The following ATP10B variants were observed in gnomAD, a reference collection of about 807,000 sequenced individuals.
ATP10B encodes ATPase phospholipid transporting 10B (putative), also known as phospholipid-transporting ATPase VB.
ATP10B carries 122 observed loss-of-function variants against 141.2 expected under a neutral mutation model. The observed-to-expected ratio is 0.86, with a 90% CI of 0.75 to 1.00. ATP10B has a LOEUF of 1.00. Ranked by LOEUF, ATP10B falls within the 50% of genes least tolerant of loss-of-function variation. The pLI is 0.00. For synonymous variants in ATP10B, 685 were observed against 692.0 expected, an observed-to-expected ratio of 0.99 and a Z score of 0.16; for missense variants, 1,876 against 1,825.3, an observed-to-expected ratio of 1.03 and a Z score of -0.51.
chr5:160,675,258 T>C (rs940376969), intron 6 of ATP10B, among the ~76,000 whole-genome samples: 3 of 151,600 alleles, frequency 2.0e-5, no homozygotes, highest in African/African-American at 7.3e-5. Context: ...CTGACTGCTA[T>C]TTTAGTTTTA....
chr5:160,795,221 A>T (rs951762471), intron 1 of ATP10B, among the ~76,000 whole-genome samples: 4 of 152,246 alleles, frequency 2.6e-5, no homozygotes, highest in Non-Finnish European at 5.9e-5. Context: ...GCTGAGTCTC[A>T]AACAGGATAT....
intron 24 of ATP10B, among the ~76,000 whole-genome samples, chr5:160,576,492 G>C (rs990802929): frequency 6.6e-6 from 1 of 152,176 alleles, no homozygotes; most frequent in African/African-American, 2.4e-5. Flanking sequence ...CAGAAGTTAG[G>C]AAAGGGAGCT....
At chr5:160,809,251 C>A (rs1772982021) in intron 1 of ATP10B, among the ~76,000 whole-genome samples, 1 of 152,114 alleles carries the variant, frequency 6.6e-6, no homozygotes, top group Non-Finnish European at 1.5e-5. Context: ...AGCCTGTAGG[C>A]CATTTAAAAA....
rs1369735584 is a variant in ATP10B at position 160,598,790 on chromosome 5, T to A, written c.3544A>T (p.Lys1182Ter). 2 of 1,613,972 alleles carry A rather than the reference T, an allele frequency of 1.2e-6. No homozygotes were observed. The highest frequency in any genetic ancestry group is 2.7e-5 in the African/African-American group (2 of 74,924). ...ETLLALPELYKSGQNSECYNL... is the reference protein window; with the variant it reads ...ETLLALPELY ...CTTACCTCAGAGTTCTGGCCACTCT[T>A]GTATAGCTCAGGCAATGCCAGGAGT... Residue 1182 changes from lysine (K) to a stop codon, truncating the protein, a stop_gained, in exon 22 of 26, where the codon AAG becomes TAG. Transcript: ENST00000327245. LOFTEE classifies it high-confidence loss of function.
At position 160,634,365 on chromosome 5, in the gene ATP10B, T is replaced by C. The variant is rs1759186658; in HGVS notation, c.1370A>G (p.His457Arg). 6.2e-7 allele frequency: 1 copy of C among 1,614,052 alleles called. No individual in the cohort carries two copies. Among genetic ancestry groups the C allele is most frequent in the Non-Finnish European group, 8.5e-7 (1 of 1,179,916 alleles). Residue 457 changes from histidine (H) to arginine (R), a missense_variant, in exon 12 of 26, where the codon CAC (histidine) becomes CGC (arginine). His to Arg is a conservative substitution (Grantham distance 29, BLOSUM62 0). Transcript: ENST00000327245. The part of the protein sequence containing the change: ...RCTIMGSEYS[H>R]QENAKRLETP... ...GGGAGCTTCTATACCATTTTCTTGG[T>C]GAGAATACTCGCTGCCCATGATGGT...
At chr5:160,653,839 TTATA>T (rs1459119407) in intron 7 of ATP10B, among the ~76,000 whole-genome samples, 2 of 127,718 alleles carry the variant, frequency 1.6e-5, no homozygotes, top group African/African-American at 5.9e-5. Flanking sequence ...TACATATATA[TTATA>T]TATACATATA....
rs1188168460 is a variant in ATP10B, at chr5:160,652,934, TACA to T, written c.676-3681_676-3679del. Among the ~76,000 whole-genome samples the T allele has an allele frequency of 6.4e-4, 52 of 81,808 alleles. 2 individuals are homozygous for T. Among genetic ancestry groups the T allele is most frequent in the South Asian group, 1.4e-3 (4 of 2,940 alleles). The allele number at this position is 81,808 out of a possible 152,430, so 53.7% of individuals were successfully genotyped here. A position where few individuals can be genotyped will look rare whatever the true frequency, so the allele number is the denominator to read the frequency against. ...ACATGTATATATAATATATTATATA[TACA>T]TGTATATATAATATATTATATATAC... On this transcript the variant is annotated intron_variant, in intron 7 of 25. Coordinates refer to ENST00000327245, the MANE Select transcript of ATP10B (RefSeq NM_025153.3).
intron 2 of ATP10B, among the ~76,000 whole-genome samples, chr5:160,759,570 G>C (rs1768878791): frequency 6.6e-6 from 1 of 152,136 alleles, no homozygotes; most frequent in South Asian, 2.1e-4. Context: ...GAATAGCTGA[G>C]GCCTTTCTAA....
intron 2 of ATP10B, among the ~76,000 whole-genome samples, chr5:160,782,438 T>TATACAC (rs1186093526): frequency 1.4e-5 from 2 of 141,078 alleles, no homozygotes; most frequent in Non-Finnish European, 3.1e-5. Flanking sequence ...TCTTCCTCCA[T>TATACAC]ACACACACAC....
At chr5:160,650,348 A>C (rs1248415406) in intron 7 of ATP10B, among the ~76,000 whole-genome samples, 2 of 152,178 alleles carry the variant, frequency 1.3e-5, no homozygotes, top group Non-Finnish European at 2.9e-5. Flanking sequence ...TAGATTAAAC[A>C]TTAAAAGCTG....
chr5:160,583,934 T>TC (rs1755714842), intron 24 of ATP10B, among the ~76,000 whole-genome samples: 1 of 152,232 alleles, frequency 6.6e-6, no homozygotes, highest in South Asian at 2.1e-4. Flanking sequence ...GCAGTGAGAA[T>TC]TTCAAGCCAG....
At chr5:160,788,580 G>A (rs1025444062) in intron 1 of ATP10B, among the ~76,000 whole-genome samples, 7 of 152,166 alleles carry the variant, frequency 4.6e-5, no homozygotes, top group Admixed American at 3.9e-4. Flanking sequence ...GGCCCTGGGA[G>A]AGAGTCCAGA....
intron 3 of ATP10B, among the ~76,000 whole-genome samples, chr5:160,691,394 C>T (rs1764069641): frequency 6.6e-6 from 1 of 152,026 alleles, no homozygotes; most frequent in Non-Finnish European, 1.5e-5. Flanking sequence ...TAGGAGTTTC[C>T]AGTTTCTGAA....
intron 25 of ATP10B, 94 bp from the exon 26 acceptor site, chr5:160,565,994 C>A (rs1340562551): frequency 8.2e-7 from 1 of 1,221,202 alleles, no homozygotes; most frequent in Non-Finnish European, 1.1e-6. Context: ...CAACTCCCTG[C>A]CTGGAGCAAG....
intron 6 of ATP10B, among the ~76,000 whole-genome samples, chr5:160,671,691 G>A (rs984202798): frequency 6.6e-6 from 1 of 152,136 alleles, no homozygotes; most frequent in Non-Finnish European, 1.5e-5. Flanking sequence ...GACAAATTTA[G>A]CATTTCTTAC....
At chr5:160,618,037 T>C in intron 15 of ATP10B, 64 bp from the exon 16 acceptor site, 1 of 1,250,834 alleles carries the variant, frequency 8.0e-7, no homozygotes, top group Non-Finnish European at 1.2e-6. Context: ...CCATCCCCAA[T>C]ACCCTGGAAT....
intron 1 of ATP10B, among the ~76,000 whole-genome samples, chr5:160,816,836 G>T (rs2127955410): frequency 6.6e-6 from 1 of 152,292 alleles, no homozygotes; most frequent in East Asian, 1.9e-4. Flanking sequence ...TGGGATGCAA[G>T]GCTGGTTCAA....
upstream of ATP10B, among the ~76,000 whole-genome samples, chr5:160,856,605 G>C (rs1048333015): frequency 6.6e-6 from 1 of 151,726 alleles, no homozygotes. Flanking sequence ...AAAATATTAA[G>C]TCTGTCACTA....
At chr5:160,697,942 A>G (rs1741589153) in intron 3 of ATP10B, among the ~76,000 whole-genome samples, 1 of 152,118 alleles carries the variant, frequency 6.6e-6, no homozygotes, top group African/African-American at 2.4e-5. Flanking sequence ...CCAAAGATGA[A>G]TATTTTTTTA....
Sources: gnomAD v4.1 joint callset for allele counts (sites outside exome capture counted in the v4.1 genomes callset) on GRCh38, gnomAD v4.1.1 for gene constraint, MANE v1.5 for transcripts, NCBI Gene and HGNC (gene_info 2026-07-23, HGNC 2026-07-21) for gene names.